The following SLC9C1 variants were observed in gnomAD, a reference collection of about 807,000 sequenced individuals.
SLC9C1 encodes sodium/hydrogen exchanger 10.
Under a neutral mutation model 140.9 loss-of-function variants are expected in SLC9C1, and 97 were observed. The observed-to-expected ratio is 0.69, with a 90% CI of 0.58 to 0.82. The LOEUF (loss-of-function observed/expected upper bound fraction) is 0.82. Ranked by LOEUF, SLC9C1 falls within the 40% of genes least tolerant of loss-of-function variation. SLC9C1 has a pLI of 0.00. For missense variants in SLC9C1, 1,340 were observed against 1,389.3 expected, an observed-to-expected ratio of 0.96 and a Z score of 0.56; for synonymous variants, 440 against 442.6, an observed-to-expected ratio of 0.99 and a Z score of 0.07.
chr3:112,261,856 C>T (rs2079782135), intron 10 of SLC9C1, among the ~76,000 whole-genome samples: 1 of 151,998 alleles, frequency 6.6e-6, no homozygotes. Context: ...GCTAGGCTGG[C>T]TCTTACTAGC....
At chr3:112,208,110 AAAACAAGGCTAGGAAATCTCCCTG>A (rs1291883251) in intron 16 of SLC9C1, 44 bp downstream of exon 16, 4 of 1,280,520 alleles carry the variant, frequency 3.1e-6, no homozygotes, top group African/African-American at 1.5e-5. Context: ...CTGGTGTTGA[AAAACAAGGCTAGGAAATCTCCCTG>A]TCAGACATAT....
At chr3:112,191,216 T>C (rs1030606220) in intron 20 of SLC9C1, among the ~76,000 whole-genome samples, 3 of 152,158 alleles carry the variant, frequency 2.0e-5, no homozygotes, top group Non-Finnish European at 2.9e-5. Context: ...GCCTAACTGC[T>C]GTGGTCAGGA....
Position 112,264,292 on chromosome 3 carries a change from A to G in SLC9C1, c.930T>C (p.Phe310=), listed in dbSNP as rs769485483. 8.1e-6 allele frequency: 12 copies of G among 1,488,244 alleles called. No individual in the cohort carries two copies. The South Asian group carries it at 1.4e-4, about 18-fold the overall frequency. The allele number at this position is 1,488,244 out of a possible 1,614,324, so 92.2% of individuals were successfully genotyped here. Residue 310 remains phenylalanine, a synonymous_variant, in exon 9 of 29, where the codon TTT becomes TTC. Coordinates refer to ENST00000305815, the MANE Select transcript of SLC9C1 (RefSeq NM_183061.3). ...RIAFLMVFTF[F]GLLIPAHTYL... ...ATGTATGTGCAGGAATTAGAAGTCC[A>G]AAGAAAGTAAACACCATGAGAAAAG...
intron 15 of SLC9C1, among the ~76,000 whole-genome samples, chr3:112,210,457 T>A (rs1370350284): frequency 6.6e-6 from 1 of 152,234 alleles, no homozygotes; most frequent in Non-Finnish European, 1.5e-5. Flanking sequence ...TACATAGTGA[T>A]GATTTCATTT....
chr3:112,200,070 A>G (rs957808793), intron 19 of SLC9C1, among the ~76,000 whole-genome samples: 2 of 152,050 alleles, frequency 1.3e-5, no homozygotes, highest in Non-Finnish European at 1.5e-5. Flanking sequence ...AGATCTCTCA[A>G]ATGACCTCAT....
chr3:112,223,786 C>T (rs1026843790), intron 13 of SLC9C1, among the ~76,000 whole-genome samples: 1 of 152,120 alleles, frequency 6.6e-6, no homozygotes, highest in Non-Finnish European at 1.5e-5. Context: ...TATTTGAGCA[C>T]CTACTATGTA....
chr3:112,196,875 C>CT (rs1267821069), intron 20 of SLC9C1, among the ~76,000 whole-genome samples: 10 of 151,570 alleles, frequency 6.6e-5, no homozygotes, highest in Admixed American at 6.6e-4. Context: ...GACCTGCCAT[C>CT]TTTTTTAGGG....
At chr3:112,167,787 A>G (rs2077166572) in intron 25 of SLC9C1, among the ~76,000 whole-genome samples, 1 of 152,172 alleles carries the variant, frequency 6.6e-6, no homozygotes, top group African/African-American at 2.4e-5. Flanking sequence ...CCAAATCCAC[A>G]ATGAGTAGGG....
At chr3:112,270,326 T>C (rs1207475302) in intron 6 of SLC9C1, among the ~76,000 whole-genome samples, 6 of 152,234 alleles carry the variant, frequency 3.9e-5, no homozygotes, top group Non-Finnish European at 7.3e-5. Context: ...CACACAGTTT[T>C]CCATAATAGC....
chr3:112,285,894 T>G (rs2080494135), intron 2 of SLC9C1, among the ~76,000 whole-genome samples: 1 of 152,066 alleles, frequency 6.6e-6, no homozygotes, highest in South Asian at 2.1e-4. Context: ...GCCTCCTGAG[T>G]AGGCGGGACT....
At chr3:112,257,749 C>A (rs1189965245) in intron 10 of SLC9C1, among the ~76,000 whole-genome samples, 1 of 152,108 alleles carries the variant, frequency 6.6e-6, no homozygotes, top group Admixed American at 6.6e-5. Flanking sequence ...AAACTATCAA[C>A]AGAGTAAATA....
chr3:112,217,136 A>G (rs1448077606), intron 15 of SLC9C1, among the ~76,000 whole-genome samples: 3 of 152,160 alleles, frequency 2.0e-5, no homozygotes, highest in Non-Finnish European at 4.4e-5. Flanking sequence ...GTTCTCACTC[A>G]TAGGTGGGAA....
At chr3:112,183,349 C>CTTTTTTTTTTTTTTTTTTTTTTT (rs200437815) in intron 20 of SLC9C1, among the ~76,000 whole-genome samples, 1,542 of 95,068 alleles carry the variant, frequency 0.016, 254 homozygotes, top group African/African-American at 0.026. Flanking sequence ...AGCACCTTTT[C>CTTTTTTTTTTTTTTTTTTTTTTT]TTTTTTTTTT....
chr3:112,203,680 A>C (rs76556333), intron 17 of SLC9C1, among the ~76,000 whole-genome samples: 5,908 of 152,032 alleles, frequency 0.039, 185 homozygotes, highest in South Asian at 0.089. Flanking sequence ...TTTGTGGAGG[A>C]GTGAGTTTCA....
chr3:112,260,619 A>T (rs994229254), intron 10 of SLC9C1, among the ~76,000 whole-genome samples: 2 of 152,098 alleles, frequency 1.3e-5, no homozygotes, highest in Non-Finnish European at 2.9e-5. Flanking sequence ...ACATTATCCT[A>T]CTAAGGCGTG....
intron 16 of SLC9C1, among the ~76,000 whole-genome samples, chr3:112,207,051 T>G (rs565778095): frequency 1.3e-5 from 2 of 152,280 alleles, no homozygotes; most frequent in East Asian, 3.9e-4. Context: ...TAGTAAATGA[T>G]CATACTAATT....
rs746121797 is a variant in SLC9C1, at chr3:112,280,796, T to A, written c.89-13A>T. The A allele has an allele frequency of 6.2e-7, 1 of 1,606,258 alleles. No homozygotes were observed. Among genetic ancestry groups the A allele is most frequent in the African/African-American group, 1.3e-5 (1 of 74,724 alleles). ...CGGTTCAAAAATGCTGCAAAAAATA[T>A]GTTGTTACTGAAAGGCAATGAGATA... On this transcript the variant is annotated splice_polypyrimidine_tract_variant and intron_variant, in intron 2 of 28. Coordinates refer to ENST00000305815, the MANE Select transcript of SLC9C1 (RefSeq NM_183061.3).
At chr3:112,289,786 A>G (rs1413052587) in intron 1 of SLC9C1, among the ~76,000 whole-genome samples, 1 of 152,198 alleles carries the variant, frequency 6.6e-6, no homozygotes, top group East Asian at 1.9e-4. Flanking sequence ...TAAACATATC[A>G]AGAACTGTAG....
Position 112,216,881 on chromosome 3 carries a change from T to A in SLC9C1, c.1790+561A>T, listed in dbSNP as rs1334674150. On this transcript the variant is annotated intron_variant, in intron 15 of 28. Coordinates refer to ENST00000305815, the MANE Select transcript of SLC9C1 (RefSeq NM_183061.3). ...TATATACCCAAAGGATTATAAATCA[T>A]GCTGCTATAAAGACACATGCACACA... 2.6e-5 allele frequency among the ~76,000 whole-genome samples: 4 copies of A among 152,184 alleles called. No individual in the cohort carries two copies. The South Asian group carries it at 8.3e-4, about 31-fold the overall frequency.
Sources: gnomAD v4.1 joint callset for allele counts (sites outside exome capture counted in the v4.1 genomes callset) on GRCh38, gnomAD v4.1.1 for gene constraint, MANE v1.5 for transcripts, NCBI Gene and HGNC (gene_info 2026-07-23, HGNC 2026-07-21) for gene names.